Variants in LPCAT3 observed in about 807,000 individuals in gnomAD.
LPCAT3 encodes the protein lysophosphatidylcholine acyltransferase 3, also known as lysophospholipid acyltransferase 5.
Under a neutral mutation model 63.4 loss-of-function variants are expected in LPCAT3, and 21 were observed. The observed-to-expected ratio is 0.33, with a 90% CI of 0.23 to 0.48. The LOEUF (loss-of-function observed/expected upper bound fraction) is 0.48, where lower values mean the gene tolerates loss of function less well. Ranked by LOEUF, LPCAT3 falls within the 20% of genes least tolerant of loss-of-function variation. The pLI, the probability that LPCAT3 is intolerant of heterozygous loss-of-function variation, is 0.99. For missense variants in LPCAT3, 451 were observed against 590.6 expected (o/e 0.76, Z 2.45); for synonymous variants, 242 against 227.5 (o/e 1.06, Z -0.58).
chr12:6,994,054 C>G (rs985300825), intron 1 of LPCAT3, among the ~76,000 whole-genome samples: 1 of 152,228 alleles, frequency 6.6e-6, no homozygotes, highest in Non-Finnish European at 1.5e-5. Flanking sequence ...CTAGGCCGGT[C>G]TTGAACTCCT....
At chr12:6,979,649 G>A in intron 6 of LPCAT3, 70 bp from the exon 7 acceptor site, 1 of 1,070,860 alleles carries the variant, frequency 9.3e-7, no homozygotes, top group Non-Finnish European at 1.4e-6. Context: ...CTGACCTTCA[G>A]TTATGGAGAG....
intron 1 of LPCAT3, among the ~76,000 whole-genome samples, chr12:7,003,738 A>C (rs1318271251): frequency 8.6e-5 from 13 of 151,494 alleles, no homozygotes; most frequent in Non-Finnish European, 1.3e-4. Flanking sequence ...CTGGCTAACA[A>C]GGTGAAACCC....
Position 6,978,615 on chromosome 12 carries a change from A to G in LPCAT3, c.861T>C (p.Cys287=). The G allele has an allele frequency of 2.5e-6, 4 of 1,614,226 alleles. No homozygotes were observed. Among genetic ancestry groups the G allele is most frequent in the Non-Finnish European group, 3.4e-6 (4 of 1,180,038 alleles). Residue 287 remains cysteine (C), a synonymous_variant, in exon 8 of 13, where the codon TGT becomes TGC. Coordinates refer to ENST00000261407, the MANE Select transcript of LPCAT3 (RefSeq NM_005768.6). Reference sequence around the variant, plus strand: ...CTTTTCTACTTACTGTGACCAGCCAACAGGTGACATATTTGTACAGCACAA... The same window carrying G: ...CTTTTCTACTTACTGTGACCAGCCAGCAGGTGACATATTTGTACAGCACAA... ...GKFVLYKYVT[C]WLVTEGVCIL... is the part of the protein sequence containing the mutation.
chr12:7,009,443 C>G (rs2138359780), intron 1 of LPCAT3, among the ~76,000 whole-genome samples: 1 of 152,332 alleles, frequency 6.6e-6, no homozygotes. Context: ...TAGTAATCCT[C>G]AAACTCTAGA....
chr12:7,014,281 C>T (rs1159743272), intron 1 of LPCAT3, among the ~76,000 whole-genome samples: 1 of 152,214 alleles, frequency 6.6e-6, no homozygotes, highest in Non-Finnish European at 1.5e-5. Flanking sequence ...CCTGCCCTTG[C>T]AGGGTTAAGA....
chr12:6,991,216 T>G (rs1375226535), intron 1 of LPCAT3, among the ~76,000 whole-genome samples: 1 of 152,206 alleles, frequency 6.6e-6, no homozygotes, highest in African/African-American at 2.4e-5. Context: ...GGTTAAAATA[T>G]ACAAAGAAAA....
chr12:6,988,810 G>T (rs782076536), intron 1 of LPCAT3, among the ~76,000 whole-genome samples: 1 of 152,226 alleles, frequency 6.6e-6, no homozygotes, highest in South Asian at 2.1e-4. Context: ...CACCAGATGG[G>T]TTTGTAACAA....
intron 1 of LPCAT3, among the ~76,000 whole-genome samples, chr12:6,991,739 T>C (rs1368159384): frequency 6.6e-6 from 1 of 152,212 alleles, no homozygotes; most frequent in Non-Finnish European, 1.5e-5. Context: ...TTGTCTATCA[T>C]TCTTTCAAGT....
At chr12:7,016,319 C>T (rs1946797422) in intron 1 of LPCAT3, among the ~76,000 whole-genome samples, 1 of 151,330 alleles carries the variant, frequency 6.6e-6, no homozygotes. Flanking sequence ...CTCTGTCACC[C>T]AGGCTGGAGT....
intron 3 of LPCAT3, 49 bp downstream of exon 3, chr12:6,982,627 C>CT (rs1946481799): frequency 7.0e-7 from 1 of 1,436,700 alleles, no homozygotes; most frequent in Admixed American, 1.7e-5. Flanking sequence ...CCCCTGTCCC[C>CT]TGAACCGCTG....
At chr12:6,988,108 A>G (rs79509260) in intron 1 of LPCAT3, 5 of 282,082 alleles carry the variant, frequency 1.8e-5, no homozygotes, top group African/African-American at 8.7e-5. Context: ...TTATGGACTT[A>G]GGCCTGGTAA....
chr12:6,980,976 A>G (rs2138332113), intron 6 of LPCAT3, 28 bp downstream of exon 6: 2 of 1,547,106 alleles, frequency 1.3e-6, no homozygotes, highest in Non-Finnish European at 1.7e-6. Context: ...ATACCTACAC[A>G]AACATCTGGA....
At chr12:6,992,510 TC>T (rs1555155612) in intron 1 of LPCAT3, among the ~76,000 whole-genome samples, 1 of 152,158 alleles carries the variant, frequency 6.6e-6, no homozygotes, top group Non-Finnish European at 1.5e-5. Flanking sequence ...AGTGCAAGTG[TC>T]AACATAGGGA....
chr12:7,007,622 G>A (rs1946735630), intron 1 of LPCAT3, among the ~76,000 whole-genome samples: 1 of 150,264 alleles, frequency 6.7e-6, no homozygotes, highest in African/African-American at 2.5e-5. Context: ...AGCCTCCCGA[G>A]TAGCTGGGAT....
Position 7,014,892 on chromosome 12 carries a change from CAAAAAA to C in LPCAT3, c.151+3376_151+3381del, listed in dbSNP as rs375839002. On this transcript the variant is annotated intron_variant, in intron 1 of 12. Transcript: ENST00000261407. ...TGGGTGACAGAGCGAGACTCCGTCT[CAAAAAA>C]AAAAAAAAAAAAAAAATTGCAGCCT... Among the ~76,000 whole-genome samples, 7 of 57,602 alleles carry C rather than the reference CAAAAAA, an allele frequency of 1.2e-4. No individual in the cohort carries two copies. In the East Asian group the frequency reaches 3.3e-3, roughly 27 times the overall value. 37.8% of individuals were successfully genotyped at this position (57,602 alleles called of 152,430 possible).
chr12:6,978,124 C>T (rs1216198668), intron 9 of LPCAT3: 1 of 593,736 alleles, frequency 1.7e-6, no homozygotes, highest in Non-Finnish European at 2.9e-6. Flanking sequence ...ACACCCAGGT[C>T]TTAACGCACT....
At chr12:7,003,339 GTGCTT>G (rs1380489506) in intron 1 of LPCAT3, among the ~76,000 whole-genome samples, 1 of 150,622 alleles carries the variant, frequency 6.6e-6, no homozygotes, top group African/African-American at 2.4e-5. Flanking sequence ...AATTTATTGA[GTGCTT>G]TGGGAGTAGG....
intron 1 of LPCAT3, among the ~76,000 whole-genome samples, chr12:7,008,365 T>G (rs1355319359): frequency 2.0e-5 from 3 of 152,086 alleles, no homozygotes; most frequent in Non-Finnish European, 4.4e-5. Context: ...ACACACACAC[T>G]CCTATCTTAA....
chr12:7,007,331 G>C (rs1337626778), intron 1 of LPCAT3, among the ~76,000 whole-genome samples: 2 of 151,210 alleles, frequency 1.3e-5, no homozygotes, highest in Non-Finnish European at 2.9e-5. Context: ...GATTACAGGT[G>C]TAAGCCACCG....
Sources: gnomAD v4.1 joint callset for allele counts (sites outside exome capture counted in the v4.1 genomes callset) on GRCh38, gnomAD v4.1.1 for gene constraint, MANE v1.5 for transcripts, NCBI Gene and HGNC (gene_info 2026-07-23, HGNC 2026-07-21) for gene names.